CACNA2D3: variants seen among roughly 807,000 people sequenced by gnomAD.
CACNA2D3 encodes voltage-dependent calcium channel subunit alpha-2/delta-3.
In CACNA2D3, 60 loss-of-function variants were observed where a neutral mutation model predicts 160.6. That is an observed-to-expected ratio of 0.37 (90% CI 0.30 to 0.46). The LOEUF (loss-of-function observed/expected upper bound fraction) is 0.46. CACNA2D3 is among the 20% of genes least tolerant of loss of function. The pLI is 1.00. For missense variants in CACNA2D3, 1,205 were observed against 1,365.0 expected, an observed-to-expected ratio of 0.88 and a Z score of 1.85; for synonymous variants, 558 against 492.9, an observed-to-expected ratio of 1.13 and a Z score of -1.75.
intron 35 of CACNA2D3, among the ~76,000 whole-genome samples, chr3:55,019,857 A>G (rs867422691): frequency 3.3e-5 from 5 of 152,316 alleles, no homozygotes; most frequent in Middle Eastern, 6.8e-3. Context: ...CATGTTAAGT[A>G]TGTTTGCTAA....
intron 35 of CACNA2D3, among the ~76,000 whole-genome samples, chr3:55,021,318 A>G (rs1332238971): frequency 1.3e-5 from 2 of 151,966 alleles, no homozygotes; most frequent in Non-Finnish European, 2.9e-5. Context: ...TCTTTTGATT[A>G]AAAATGTTAC....
chr3:54,869,376 G>T (rs2106816637), intron 17 of CACNA2D3, among the ~76,000 whole-genome samples: 1 of 152,312 alleles, frequency 6.6e-6, no homozygotes, highest in South Asian at 2.1e-4. Context: ...GAATTAAGAA[G>T]GATAAACCAC....
At position 54,742,235 on chromosome 3, in the gene CACNA2D3, A is replaced by G. The variant is rs563357342; in HGVS notation, c.1168-10364A>G. Among the ~76,000 whole-genome samples the G allele has an allele frequency of 2.0e-5, 3 of 152,126 alleles. No individual in the cohort carries two copies. In the South Asian group the frequency reaches 6.2e-4, roughly 32 times the overall value. On this transcript the variant is annotated intron_variant, in intron 11 of 37. Transcript: ENST00000474759. The stretch of plus-strand genomic sequence containing the variant: ...GGAGTTCAAGACCAGCCTGGCCAAC[A>G]TGGCGAAACCCCATTTCTACTAAAA...
At chr3:54,967,716 C>A (rs1702183199) in intron 27 of CACNA2D3, among the ~76,000 whole-genome samples, 1 of 152,140 alleles carries the variant, frequency 6.6e-6, no homozygotes, top group Admixed American at 6.5e-5. Flanking sequence ...GTTTGGGCTT[C>A]ATGGAGAAAA....
chr3:54,197,467 G>A (rs1173149198), intron 2 of CACNA2D3: 1 of 152,184 alleles, frequency 6.6e-6, no homozygotes, highest in Non-Finnish European at 1.5e-5. Context: ...TTCAGTGTGG[G>A]TCCACCTCTG....
At chr3:54,761,826 C>T (rs1702085470) in intron 12 of CACNA2D3, among the ~76,000 whole-genome samples, 1 of 152,166 alleles carries the variant, frequency 6.6e-6, no homozygotes, top group Non-Finnish European at 1.5e-5. Flanking sequence ...ATGGTCCCAA[C>T]CTGGTTTGGG....
chr3:54,585,931 C>CAAACATGATCCAACCGTATGACCATAT lies in CACNA2D3; in HGVS notation c.963+4055_963+4081dup, dbSNP rs562806491. 2.3e-3 allele frequency among the ~76,000 whole-genome samples: 344 copies of CAAACATGATCCAACCGTATGACCATAT among 152,188 alleles called. 1 individual carries two copies. Among genetic ancestry groups the CAAACATGATCCAACCGTATGACCATAT allele is most frequent in the African/African-American group, 7.8e-3 (322 of 41,516 alleles). On this transcript the variant is annotated intron_variant, in intron 9 of 37. Transcript: ENST00000474759. ...TTTGAGTGGATTAAAAAAACACAAA[C>CAAACATGATCCAACCGTATGACCATAT]AAACATGATCCAACCGTATGACCAT...
chr3:54,306,328 T>TGA (rs140311356), intron 2 of CACNA2D3, among the ~76,000 whole-genome samples: 164 of 151,330 alleles, frequency 1.1e-3, no homozygotes, highest in African/African-American at 3.2e-3. Context: ...TGTGTGTATA[T>TGA]GAGAGAGAGA....
intron 14 of CACNA2D3, among the ~76,000 whole-genome samples, chr3:54,819,453 C>T (rs1208139535): frequency 2.6e-5 from 4 of 152,124 alleles, no homozygotes; most frequent in African/African-American, 2.4e-5. Context: ...GGTCTGGGAC[C>T]TCTGCCCAAT....
chr3:54,807,972 G>T (rs1363509479), intron 13 of CACNA2D3, among the ~76,000 whole-genome samples: 1 of 143,222 alleles, frequency 7.0e-6, no homozygotes, highest in Non-Finnish European at 1.5e-5. Context: ...ACCAAACACC[G>T]CATATTCTCA....
chr3:54,484,195 C>A (rs1700978135), intron 4 of CACNA2D3, among the ~76,000 whole-genome samples: 1 of 152,134 alleles, frequency 6.6e-6, no homozygotes, highest in Non-Finnish European at 1.5e-5. Context: ...TTAAAAAGGA[C>A]ACAGGAACTA....
At chr3:54,922,414 A>G (rs780766448) in intron 27 of CACNA2D3, among the ~76,000 whole-genome samples, 11 of 151,908 alleles carry the variant, frequency 7.2e-5, no homozygotes, top group African/African-American at 2.4e-4. Flanking sequence ...CCACAATACA[A>G]TAGTTCAAGC....
intron 31 of CACNA2D3, among the ~76,000 whole-genome samples, chr3:54,998,713 TTTTTGTTTTGTTTTGTTTTGTTTTG>T (rs150766606): frequency 6.8e-6 from 1 of 147,146 alleles, no homozygotes; most frequent in Non-Finnish European, 1.5e-5. Flanking sequence ...CTAAAGTTGG[TTTTTGTTTTGTTTTGTTTTGTTTTG>T]TTTTGTTTTG....
chr3:54,342,640 T>C (rs1698378518), intron 3 of CACNA2D3, among the ~76,000 whole-genome samples: 1 of 152,162 alleles, frequency 6.6e-6, no homozygotes, highest in Non-Finnish European at 1.5e-5. Context: ...TGACAAATCA[T>C]TGATAAGAAC....
chr3:54,707,622 G>A (rs1270937924), intron 11 of CACNA2D3, among the ~76,000 whole-genome samples: 16 of 152,156 alleles, frequency 1.1e-4, no homozygotes, highest in Non-Finnish European at 2.9e-5. Flanking sequence ...CAGTATCAGA[G>A]TGTGGCTAAT....
At chr3:54,932,704 G>A (rs1198175812) in intron 27 of CACNA2D3, among the ~76,000 whole-genome samples, 2 of 152,162 alleles carry the variant, frequency 1.3e-5, no homozygotes, top group African/African-American at 2.4e-5. Flanking sequence ...ACAAATATGA[G>A]CATTTCTCCC....
At chr3:54,748,619 C>T (rs774730687) in intron 11 of CACNA2D3, among the ~76,000 whole-genome samples, 10 of 151,592 alleles carry the variant, frequency 6.6e-5, no homozygotes, top group Non-Finnish European at 1.0e-4. Context: ...GAAAGTGGTG[C>T]GCTCCATGCC....
chr3:54,895,285 A>T (rs1700162542), intron 25 of CACNA2D3, among the ~76,000 whole-genome samples: 1 of 152,210 alleles, frequency 6.6e-6, no homozygotes, highest in African/African-American at 2.4e-5. Flanking sequence ...GTGATCATTA[A>T]GCATACACCA....
intron 27 of CACNA2D3, among the ~76,000 whole-genome samples, chr3:54,917,375 C>T (rs945047055): frequency 1.3e-5 from 2 of 152,216 alleles, no homozygotes; most frequent in African/African-American, 4.8e-5. Context: ...TAGCTGCCGC[C>T]ACCTATCTTG....
Sources: gnomAD v4.1 joint callset for allele counts (sites outside exome capture counted in the v4.1 genomes callset) on GRCh38, gnomAD v4.1.1 for gene constraint, MANE v1.5 for transcripts, NCBI Gene and HGNC (gene_info 2026-07-23, HGNC 2026-07-21) for gene names.